The following TTC28 variants were observed in gnomAD, a reference collection of about 807,000 sequenced individuals.
The protein encoded by TTC28 is tetratricopeptide repeat protein 28.
TTC28 carries 61 observed loss-of-function variants against 198.0 expected under a neutral mutation model. That is an observed-to-expected ratio of 0.31 (90% CI 0.25 to 0.38). The LOEUF (loss-of-function observed/expected upper bound fraction) is 0.38. TTC28 is among the 10% of genes least tolerant of loss of function. TTC28 has a pLI of 1.00. For synonymous variants in TTC28, 1,171 were observed against 1,297.8 expected, an observed-to-expected ratio of 0.90 and a Z score of 2.10; for missense variants, 2,678 against 3,164.0, an observed-to-expected ratio of 0.85 and a Z score of 3.69.
At chr22:28,503,019 C>T (rs1159281293) in intron 2 of TTC28, among the ~76,000 whole-genome samples, 1 of 152,094 alleles carries the variant, frequency 6.6e-6, no homozygotes, top group East Asian at 1.9e-4. Context: ...AGGCACTAAA[C>T]AATTTGTTGA....
chr22:28,284,205 A>T (rs1026018461), intron 5 of TTC28, among the ~76,000 whole-genome samples: 4 of 152,210 alleles, frequency 2.6e-5, no homozygotes, highest in Admixed American at 2.6e-4. Context: ...AAGCACAAGC[A>T]TGTTGAATGG....
intron 5 of TTC28, among the ~76,000 whole-genome samples, chr22:28,217,431 T>C (rs1927493591): frequency 6.6e-6 from 1 of 152,338 alleles, no homozygotes; most frequent in East Asian, 1.9e-4. Flanking sequence ...TTCCATTTAG[T>C]ATAAAGGAAT....
At chr22:28,523,269 A>T (rs2048943368) in intron 2 of TTC28, among the ~76,000 whole-genome samples, 2 of 152,374 alleles carry the variant, frequency 1.3e-5, no homozygotes, top group African/African-American at 4.8e-5. Context: ...CAGAGCAATA[A>T]TTTAATAGAA....
At chr22:28,661,900 C>A (rs2051755093) in intron 1 of TTC28, among the ~76,000 whole-genome samples, 1 of 151,954 alleles carries the variant, frequency 6.6e-6, no homozygotes, top group Non-Finnish European at 1.5e-5. Flanking sequence ...AGCCACTGCA[C>A]CTGGCCTAAA....
intron 2 of TTC28, among the ~76,000 whole-genome samples, chr22:28,615,509 T>C (rs189470366): frequency 1.6e-3 from 246 of 152,316 alleles, no homozygotes; most frequent in South Asian, 8.1e-3. Context: ...CGTATGTTTA[T>C]TGCAGCACTA....
chr22:27,992,151 CAG>C lies in TTC28; in HGVS notation c.5553+434_5553+435del, dbSNP rs374969856. 6.4e-3 allele frequency among the ~76,000 whole-genome samples: 980 copies of C among 152,254 alleles called. 4 individuals carry two copies. The highest frequency in any genetic ancestry group is 9.6e-3 in the Non-Finnish European group (654 of 68,024). On this transcript the variant is annotated intron_variant, in intron 19 of 22. Transcript: ENST00000397906. Reference sequence around the variant, plus strand: ...GGAAATGCCCTGAGACCACAGGTGACAGGGGCCCCATAAGCATCCTCTGAAGG... The same window carrying C: ...GGAAATGCCCTGAGACCACAGGTGACGGGCCCCATAAGCATCCTCTGAAGG...
At chr22:28,015,942 G>A (rs919765116) in intron 13 of TTC28, among the ~76,000 whole-genome samples, 6 of 151,674 alleles carry the variant, frequency 4.0e-5, no homozygotes, top group Admixed American at 4.0e-4. Context: ...CAGGAGCTGT[G>A]ACATCAAAAT....
At chr22:28,533,125 T>C (rs1276988322) in intron 2 of TTC28, among the ~76,000 whole-genome samples, 6 of 152,198 alleles carry the variant, frequency 3.9e-5, no homozygotes, top group Non-Finnish European at 8.8e-5. Context: ...TTGTCCCTGT[T>C]TGTAGATGAC....
At chr22:28,400,667 AAGAAAAC>A (rs1322896561) in intron 2 of TTC28, among the ~76,000 whole-genome samples, 1 of 152,204 alleles carries the variant, frequency 6.6e-6, no homozygotes, top group Non-Finnish European at 1.5e-5. Flanking sequence ...CCCAATCTGG[AAGAAAAC>A]AGAACCTTCA....
chr22:28,441,575 A>G (rs1339435523), intron 2 of TTC28, among the ~76,000 whole-genome samples: 2 of 152,224 alleles, frequency 1.3e-5, no homozygotes, highest in African/African-American at 4.8e-5. Flanking sequence ...CATCAATTAG[A>G]TATCAAAGAA....
At chr22:28,034,434 C>T (rs746021652) in intron 12 of TTC28, among the ~76,000 whole-genome samples, 1 of 152,236 alleles carries the variant, frequency 6.6e-6, no homozygotes, top group African/African-American at 2.4e-5. Context: ...GCCCTCCAGA[C>T]TTGGCCACAC....
At chr22:28,013,099 G>A (rs1938223571) in intron 14 of TTC28, among the ~76,000 whole-genome samples, 1 of 152,214 alleles carries the variant, frequency 6.6e-6, no homozygotes, top group Admixed American at 6.5e-5. Flanking sequence ...GGCCAGGCAG[G>A]GAAGGTATAG....
intron 5 of TTC28, among the ~76,000 whole-genome samples, chr22:28,203,309 T>C (rs1010757807): frequency 1.3e-5 from 2 of 152,144 alleles, no homozygotes; most frequent in Non-Finnish European, 2.9e-5. Context: ...AAGTAGAAGA[T>C]AGTACCTATC....
intron 2 of TTC28, among the ~76,000 whole-genome samples, chr22:28,624,948 ATCC>A (rs2051055635): frequency 6.6e-6 from 1 of 152,220 alleles, no homozygotes; most frequent in South Asian, 2.1e-4. Context: ...TTGATTTAAT[ATCC>A]CCAAATAAAT....
chr22:28,128,067 G>A (rs1942960612), intron 6 of TTC28, among the ~76,000 whole-genome samples: 2 of 152,106 alleles, frequency 1.3e-5, no homozygotes, highest in Admixed American at 6.5e-5. Context: ...TTAGCTCAGA[G>A]TCTGGCTCAC....
chr22:28,226,575 C>T (rs768035220), intron 5 of TTC28, among the ~76,000 whole-genome samples: 2 of 152,070 alleles, frequency 1.3e-5, no homozygotes, highest in Non-Finnish European at 2.9e-5. Flanking sequence ...TACAGGTGGG[C>T]GCTACCACAC....
chr22:27,984,175 G>A (rs1353719273), intron 22 of TTC28, among the ~76,000 whole-genome samples: 3 of 152,058 alleles, frequency 2.0e-5, no homozygotes, highest in East Asian at 1.9e-4. Context: ...AGGGCTGGCC[G>A]TGCTCCTGGG....
intron 2 of TTC28, among the ~76,000 whole-genome samples, chr22:28,542,928 C>A (rs549969044): frequency 6.6e-6 from 1 of 152,048 alleles, no homozygotes; most frequent in Non-Finnish European, 1.5e-5. Flanking sequence ...AAAATCAAAA[C>A]GAATTCAACA....
At chr22:28,363,196 G>A (rs1034509379) in intron 2 of TTC28, among the ~76,000 whole-genome samples, 16 of 152,158 alleles carry the variant, frequency 1.1e-4, no homozygotes, top group Non-Finnish European at 1.9e-4. Context: ...GGGTCCCTCT[G>A]CTGTGTATAG....
Sources: gnomAD v4.1 joint callset for allele counts (sites outside exome capture counted in the v4.1 genomes callset) on GRCh38, gnomAD v4.1.1 for gene constraint, MANE v1.5 for transcripts, NCBI Gene and HGNC (gene_info 2026-07-23, HGNC 2026-07-21) for gene names.